CLIP3: variants seen among roughly 807,000 people sequenced by gnomAD.
CLIP3 encodes the protein CAP-Gly domain-containing linker protein 3.
CLIP3 carries 15 observed loss-of-function variants against 59.4 expected under a neutral mutation model. The ratio of observed to expected loss-of-function variants is 0.25; its 90% CI spans 0.17 to 0.39. The LOEUF (loss-of-function observed/expected upper bound fraction) is 0.39. CLIP3 is among the 10% of genes least tolerant of loss of function. CLIP3 has a pLI of 1.00. For missense variants in CLIP3, 495 were observed against 765.7 expected (o/e 0.65, Z 4.17); for synonymous variants, 300 against 321.6 (o/e 0.93, Z 0.72).
intron 2 of CLIP3, among the ~76,000 whole-genome samples, chr19:36,028,276 T>G (rs891912811): frequency 6.6e-6 from 1 of 152,068 alleles, no homozygotes; most frequent in Non-Finnish European, 1.5e-5. Context: ...AGGCAAAGGC[T>G]GCAGTGAGCT....
intron 2 of CLIP3, among the ~76,000 whole-genome samples, chr19:36,031,040 T>TTTGAGACAGTCTTACTC (rs1969254221): frequency 7.1e-6 from 1 of 141,624 alleles, no homozygotes; most frequent in African/African-American, 2.7e-5. Flanking sequence ...TTTTTTTTTT[T>TTTGAGACAGTCTTACTC]TGAGACAGTC....
intron 2 of CLIP3, among the ~76,000 whole-genome samples, chr19:36,031,299 G>A (rs992222918): frequency 5.3e-5 from 8 of 152,076 alleles, no homozygotes; most frequent in African/African-American, 1.9e-4. Flanking sequence ...TTACAGGCGT[G>A]AGACACCATG....
rs1181950149 is a variant in CLIP3 at position 36,016,362 on chromosome 19, TTC to T, written c.1590-152_1590-151del. The T allele has an allele frequency of 3.2e-6, 3 of 945,716 alleles. No individual in the cohort carries two copies. The highest frequency in any genetic ancestry group is 4.9e-6 in the Non-Finnish European group (3 of 606,834). 58.6% of individuals were successfully genotyped at this position (945,716 alleles called of 1,614,324 possible). The stretch of plus-strand genomic sequence containing the variant: ...GCTGTGGTTTGTTTGTTTGTTTGTT[TTC>T]TGAGATGGAGTCTCACTCTGTCACC... On this transcript the variant is annotated intron_variant, in intron 13 of 13. Coordinates refer to ENST00000360535, the MANE Select transcript of CLIP3 (RefSeq NM_015526.3). The surrounding 1 kb of genome is among the most constrained non-coding windows in gnomAD (Gnocchi z 4.1).
In CLIP3 at chr19:36,017,382, T is replaced by G. The variant is rs369493845; in HGVS notation, c.1516+4A>C. 2.5e-6 allele frequency: 4 copies of G among 1,613,806 alleles called. No individual in the cohort carries two copies. The African/African-American group carries it at 5.3e-5, about 22-fold the overall frequency. ...TCCTCCCAACATATCATCCCCTAACTCACTTGTCACTTGATGCACTTTTTT... is the reference window on the plus strand; with the variant it reads ...TCCTCCCAACATATCATCCCCTAACGCACTTGTCACTTGATGCACTTTTTT... On this transcript the variant is annotated splice_donor_region_variant and intron_variant, in intron 12 of 13. Coordinates refer to ENST00000360535, the MANE Select transcript of CLIP3 (RefSeq NM_015526.3).
intron 7 of CLIP3, chr19:36,019,521 T>C: frequency 3.1e-6 from 2 of 647,016 alleles, no homozygotes; most frequent in East Asian, 2.7e-5. Flanking sequence ...CCTTATAGGA[T>C]TGTTAAAGAG....
rs778899320 is a variant in CLIP3, at chr19:36,018,026, G to A, written c.1184-35C>T. ...GAAGGTGTAGGAGGTGGGTAGTGGG[G>A]CTGAGGCCAGCTTTGGGAACCTCGT... On this transcript the variant is annotated intron_variant, in intron 9 of 13. Transcript: ENST00000360535. The A allele has an allele frequency of 1.8e-5, 29 of 1,610,018 alleles. No individual in the cohort carries two copies. The Admixed American group carries it at 2.7e-4, about 15-fold the overall frequency.
At chr19:36,021,462 A>G (rs573990059) in intron 7 of CLIP3, among the ~76,000 whole-genome samples, 3 of 148,854 alleles carry the variant, frequency 2.0e-5, no homozygotes, top group Non-Finnish European at 4.5e-5. Context: ...TTTTTTCATT[A>G]TTAGTAGAGA....
chr19:36,017,180 A>G (rs1042653179), intron 12 of CLIP3, among the ~76,000 whole-genome samples: 1 of 152,062 alleles, frequency 6.6e-6, no homozygotes, highest in African/African-American at 2.4e-5. Flanking sequence ...GTATCTGCTC[A>G]ACCTCATGTC....
rs1402779357 is a variant in CLIP3, at chr19:36,015,381, T to TA, written c.*776dup. ...AAGGGGGAAGTCGTTACTTAAAAAATAGAGAATTTTCTGGGAGTCTGGCCA... is the reference window on the plus strand; with the variant it reads ...AAGGGGGAAGTCGTTACTTAAAAAATAAGAGAATTTTCTGGGAGTCTGGCCA... On this transcript the variant is annotated 3_prime_UTR_variant, in exon 14 of 14. Transcript: ENST00000360535. 1.3e-5 allele frequency: 2 copies of TA among 152,460 alleles called. No individual in the cohort carries two copies. The highest frequency in any genetic ancestry group is 6.6e-5 in the Admixed American group (1 of 15,266). The allele number at this position is 152,460 out of a possible 1,614,324, so 9.4% of individuals were successfully genotyped here. A position where few individuals can be genotyped will look rare whatever the true frequency, so the allele number is the denominator to read the frequency against.
In CLIP3 at chr19:36,024,628, C is replaced by T. The variant is rs540862357; in HGVS notation, c.686G>A (p.Arg229Gln). 74 of 1,613,936 alleles carry T rather than the reference C, an allele frequency of 4.6e-5. No individual in the cohort carries two copies. The highest frequency in any genetic ancestry group is 1.5e-4 in the Admixed American group (9 of 60,006). Reference sequence around the variant, plus strand: ...CACCTCCGCCGGCACCTGTCCTTTTCGATTCTGGGGGCCAATGGGAAAAGA... The same window carrying T: ...CACCTCCGCCGGCACCTGTCCTTTTTGATTCTGGGGGCCAATGGGAAAAGA... Reference protein sequence around the residue: ...EHGANPALRNRKGQVPAEVVP... With the variant: ...EHGANPALRNQKGQVPAEVVP... Residue 229 changes from arginine (R) to glutamine (Q), a missense_variant, in exon 7 of 14, where the codon CGA (arginine) becomes CAA (glutamine). By Grantham distance (43) the Arg-to-Gln change is conservative. This residue lies in a region of CLIP3 where 194 missense variants were observed against 327.8 expected (regional missense o/e 0.59). Coordinates refer to ENST00000360535, the MANE Select transcript of CLIP3 (RefSeq NM_015526.3).
At chr19:36,030,027 C>G (rs1348747828) in intron 2 of CLIP3, among the ~76,000 whole-genome samples, 1 of 152,094 alleles carries the variant, frequency 6.6e-6, no homozygotes, top group Non-Finnish European at 1.5e-5. Context: ...ACAGCACCCC[C>G]CCGACCTCAG....
At chr19:36,018,386 CTG>C (rs1296570596) in intron 9 of CLIP3, among the ~76,000 whole-genome samples, 1 of 152,096 alleles carries the variant, frequency 6.6e-6, no homozygotes, top group African/African-American at 2.4e-5. Context: ...TGAGACCAGC[CTG>C]GCCAACATGG....
chr19:36,026,081 T>G lies in CLIP3; in HGVS notation c.681+66A>C. 8.0e-7 allele frequency: 1 copy of G among 1,252,878 alleles called. No individual in the cohort carries two copies. The highest frequency in any genetic ancestry group is 1.2e-6 in the Non-Finnish European group (1 of 858,268). 77.6% of individuals were successfully genotyped at this position (1,252,878 alleles called of 1,614,324 possible). ...GGGAGTCACGGGAAACGCAGAGACC[T>G]GCTGGAGGGAAGTGGGGGAGGAAGG... On this transcript the variant is annotated intron_variant, in intron 6 of 13. Coordinates refer to ENST00000360535, the MANE Select transcript of CLIP3 (RefSeq NM_015526.3). This position sits in a 1 kb window ranked among gnomAD's most constrained non-coding sequence, Gnocchi z 6.3.
At chr19:36,023,472 C>G (rs192504514) in intron 7 of CLIP3, among the ~76,000 whole-genome samples, 19 of 152,266 alleles carry the variant, frequency 1.2e-4, no homozygotes, top group African/African-American at 4.6e-4. Context: ...CTCAGAACAC[C>G]CCAGCTAAAA....
intron 2 of CLIP3, among the ~76,000 whole-genome samples, chr19:36,029,060 G>A (rs1014110838): frequency 1.7e-5 from 2 of 120,348 alleles, no homozygotes; most frequent in African/African-American, 6.5e-5. Flanking sequence ...GGTGGCTCAC[G>A]CCTGGAATCC....
intron 2 of CLIP3, among the ~76,000 whole-genome samples, chr19:36,030,073 T>A (rs2145411220): frequency 6.6e-6 from 1 of 152,258 alleles, no homozygotes; most frequent in South Asian, 2.1e-4. Flanking sequence ...TTTCTTTTTT[T>A]GAGACAGGGT....
chr19:36,026,156 A>G lies in CLIP3; in HGVS notation c.672T>C (p.Pro224=). Reference sequence around the variant, plus strand: ...GCAAGGGTGGCAGTACCCTCAGCGCAGGGTTGGCGCCGTGCTCCAGCAAAC... The same window carrying G: ...GCAAGGGTGGCAGTACCCTCAGCGCGGGGTTGGCGCCGTGCTCCAGCAAAC... The part of the protein sequence containing the change: ...AKCLLEHGAN[P]ALRNRKGQVP... Residue 224 remains proline (P), a synonymous_variant, in exon 6 of 14, where the codon CCT becomes CCC. Transcript: ENST00000360535. The surrounding 1 kb of genome is among the most constrained non-coding windows in gnomAD (Gnocchi z 6.3). The G allele has an allele frequency of 6.2e-7, 1 of 1,613,162 alleles. No homozygotes were observed.
Position 36,020,339 on chromosome 19 carries a change from A to G in CLIP3, c.919-1033T>C, listed in dbSNP as rs1472482480. On this transcript the variant is annotated intron_variant, in intron 7 of 13. Transcript: ENST00000360535. The stretch of plus-strand genomic sequence containing the variant: ...AAATTTAGTCCGGGCGCGGTGGCTC[A>G]CACCTATAATCCTAGCACTCTGGGA... Among the ~76,000 whole-genome samples, 10 of 152,252 alleles carry G rather than the reference A, an allele frequency of 6.6e-5. No individual in the cohort carries two copies. In the South Asian group the frequency reaches 2.1e-3, roughly 32 times the overall value.
intron 2 of CLIP3, among the ~76,000 whole-genome samples, chr19:36,030,933 C>T (rs1486001692): frequency 1.3e-5 from 2 of 152,138 alleles, no homozygotes; most frequent in Non-Finnish European, 2.9e-5. Flanking sequence ...CCTGACTACC[C>T]CTGCAGGTAG....
Sources: gnomAD v4.1 joint callset for allele counts (sites outside exome capture counted in the v4.1 genomes callset) on GRCh38, gnomAD v4.1.1 for gene constraint, gnomAD v4.1.1 regional missense constraint, Gnocchi (gnomAD v3.1) non-coding constraint, MANE v1.5 for transcripts, NCBI Gene and HGNC (gene_info 2026-07-23, HGNC 2026-07-21) for gene names.